The following CWC27 variants were observed in gnomAD, a reference collection of about 807,000 sequenced individuals.
CWC27 encodes spliceosome-associated protein CWC27 homolog.
CWC27 carries 47 observed loss-of-function variants against 63.6 expected under a neutral mutation model. The ratio of observed to expected loss-of-function variants is 0.74; its 90% CI spans 0.58 to 0.94. The LOEUF is 0.94. CWC27 is among the 40% of genes least tolerant of loss of function. The pLI is 0.00. For synonymous variants in CWC27, 175 were observed against 179.8 expected (o/e 0.97, Z 0.22); for missense variants, 495 against 554.3 (o/e 0.89, Z 1.07).
intron 11 of CWC27, among the ~76,000 whole-genome samples, chr5:64,969,498 G>C (rs1032837630): frequency 1.2e-4 from 18 of 152,008 alleles, no homozygotes; most frequent in Admixed American, 3.3e-4. Flanking sequence ...GGCTGGCGAG[G>C]GGAAGAGGGC....
intron 11 of CWC27, among the ~76,000 whole-genome samples, chr5:64,913,681 C>G (rs1440658846): frequency 1.3e-5 from 2 of 151,854 alleles, no homozygotes; most frequent in Non-Finnish European, 2.9e-5. Context: ...ACTTTTAAGC[C>G]TTATTGAATA....
At position 65,006,113 on chromosome 5, in the gene CWC27, T is replaced by G. The variant is rs570166211; in HGVS notation, c.1257-12046T>G. On this transcript the variant is annotated intron_variant, in intron 13 of 13. Transcript: ENST00000381070. ...TTAACATTATAATAAGTGCCAAATG[T>G]TTGTTAGCATAGTCAACAATTATCC... Among the ~76,000 whole-genome samples, 3 of 152,334 alleles carry G rather than the reference T, an allele frequency of 2.0e-5. No homozygotes were observed. In the South Asian group the frequency reaches 6.2e-4, roughly 32 times the overall value.
intron 11 of CWC27, among the ~76,000 whole-genome samples, chr5:64,912,088 A>G (rs550278111): frequency 1.7e-3 from 217 of 128,070 alleles, no homozygotes; most frequent in Middle Eastern, 3.5e-3. Context: ...AAAAAAAAAA[A>G]AAAGAAAGAA....
chr5:64,788,588 T>C (rs1743963790), intron 6 of CWC27, among the ~76,000 whole-genome samples: 1 of 152,002 alleles, frequency 6.6e-6, no homozygotes, highest in Non-Finnish European at 1.5e-5. Flanking sequence ...CAGGGATATA[T>C]ACTTATTATT....
At chr5:64,990,072 A>G (rs1749505522) in intron 13 of CWC27, among the ~76,000 whole-genome samples, 1 of 151,982 alleles carries the variant, frequency 6.6e-6, no homozygotes. Flanking sequence ...TCTGTTTTCT[A>G]TTCACTAGTT....
intron 10 of CWC27, among the ~76,000 whole-genome samples, chr5:64,855,478 TATTGCTTCTTTGAGAGCAATATAA>T (rs1454210975): frequency 6.6e-6 from 1 of 152,156 alleles, no homozygotes; most frequent in Admixed American, 6.5e-5. Flanking sequence ...TCAGTTAATT[TATTGCTTCTTTGAGAGCAATATAA>T]GAAATGTGTA....
chr5:64,944,555 A>T (rs887453731), intron 11 of CWC27, among the ~76,000 whole-genome samples: 2 of 152,218 alleles, frequency 1.3e-5, no homozygotes, highest in African/African-American at 4.8e-5. Flanking sequence ...GAAACTTAAC[A>T]TGTCCCAGAT....
At chr5:64,987,078 AT>A (rs1428089743) in intron 13 of CWC27, among the ~76,000 whole-genome samples, 2 of 150,394 alleles carry the variant, frequency 1.3e-5, no homozygotes, top group African/African-American at 2.4e-5. Flanking sequence ...TTTATTTTTT[AT>A]TTTTTTATTA....
At chr5:64,812,759 G>A (rs1248940199) in intron 10 of CWC27, among the ~76,000 whole-genome samples, 3 of 152,038 alleles carry the variant, frequency 2.0e-5, no homozygotes, top group Non-Finnish European at 4.4e-5. Flanking sequence ...GTAGGCTCCA[G>A]GAACATGAAA....
chr5:64,796,833 C>T (rs1744289586), intron 7 of CWC27, among the ~76,000 whole-genome samples: 1 of 117,264 alleles, frequency 8.5e-6, no homozygotes, highest in Non-Finnish European at 1.7e-5. Flanking sequence ...TTCTTCCTTC[C>T]TTCCTTCTTC....
intron 10 of CWC27, among the ~76,000 whole-genome samples, chr5:64,873,308 A>G (rs1056450689): frequency 6.6e-6 from 1 of 152,182 alleles, no homozygotes; most frequent in African/African-American, 2.4e-5. Context: ...ATTGAACAAT[A>G]GTATTTCAAT....
intron 11 of CWC27, among the ~76,000 whole-genome samples, chr5:64,892,871 A>C (rs1747274499): frequency 6.6e-6 from 1 of 151,906 alleles, no homozygotes; most frequent in South Asian, 2.1e-4. Context: ...AAAAAAAAAA[A>C]TCATTTAAAA....
intron 1 of CWC27, 101 bp downstream of exon 1, chr5:64,769,289 A>T: frequency 1.0e-5 from 10 of 994,596 alleles, no homozygotes; most frequent in Non-Finnish European, 1.6e-5. Context: ...TGGTAGGAAG[A>T]GACCACGAGA....
chr5:64,771,939 C>A (rs1254853738), intron 1 of CWC27, among the ~76,000 whole-genome samples: 1 of 152,184 alleles, frequency 6.6e-6, no homozygotes, highest in African/African-American at 2.4e-5. Flanking sequence ...CAAAAAACCA[C>A]GTAATAATGA....
intron 13 of CWC27, among the ~76,000 whole-genome samples, chr5:64,984,567 C>G (rs1271844817): frequency 1.3e-5 from 2 of 152,190 alleles, no homozygotes; most frequent in African/African-American, 4.8e-5. Context: ...AATTTTTAAT[C>G]TGTCCCGTAC....
chr5:64,875,065 T>G (rs1037595885), intron 10 of CWC27, among the ~76,000 whole-genome samples: 20 of 149,494 alleles, frequency 1.3e-4, no homozygotes, highest in Admixed American at 1.2e-3. Context: ...ACTTGGTGCT[T>G]AGACAGAATA....
At chr5:64,950,028 C>A (rs1490582910) in intron 11 of CWC27, among the ~76,000 whole-genome samples, 1 of 151,832 alleles carries the variant, frequency 6.6e-6, no homozygotes, top group Non-Finnish European at 1.5e-5. Context: ...ATCTTGAAGA[C>A]AATACCAAAA....
At chr5:64,788,847 A>G in intron 6 of CWC27, 104 bp from the exon 7 acceptor site, 1 of 718,554 alleles carries the variant, frequency 1.4e-6, no homozygotes, top group Non-Finnish European at 2.3e-6. Context: ...GTCAGAATGT[A>G]TTTCTTCTTG....
intron 10 of CWC27, among the ~76,000 whole-genome samples, chr5:64,834,844 T>C (rs1042732866): frequency 3.3e-5 from 5 of 151,722 alleles, no homozygotes; most frequent in Admixed American, 3.3e-4. Flanking sequence ...TTATATTTGG[T>C]GAAGCAAGAA....
Sources: allele counts gnomAD v4.1 joint callset (sites outside exome capture counted in the v4.1 genomes callset), GRCh38; gene constraint gnomAD v4.1.1; transcripts MANE v1.5; gene names NCBI Gene and HGNC (gene_info 2026-07-23, HGNC 2026-07-21).